SHISA9: variants seen among roughly 807,000 people sequenced by gnomAD.
SHISA9 encodes protein shisa-9.
SHISA9 carries 13 observed loss-of-function variants against 38.0 expected under a neutral mutation model. The observed-to-expected ratio is 0.34, with a 90% CI of 0.22 to 0.54. The LOEUF (loss-of-function observed/expected upper bound fraction) is 0.54, where lower values mean the gene tolerates loss of function less well. Ranked by LOEUF, SHISA9 falls within the 20% of genes least tolerant of loss-of-function variation. SHISA9 has a pLI of 0.91. For synonymous variants in SHISA9, 275 were observed against 242.0 expected (o/e 1.14, Z -1.27); for missense variants, 538 against 575.8 (o/e 0.93, Z 0.67).
chr16:12,912,814 C>A (rs2071203814), intron 1 of SHISA9, among the ~76,000 whole-genome samples: 2 of 152,322 alleles, frequency 1.3e-5, no homozygotes, highest in South Asian at 4.1e-4. Flanking sequence ...TGATGGACAC[C>A]TTGTCACGTG....
the SHISA9 span, among the ~76,000 whole-genome samples, chr16:13,397,394 G>C: frequency 1.3e-5 from 2 of 151,676 alleles, no homozygotes; most frequent in East Asian, 3.9e-4. Flanking sequence ...AGCCCAAGTG[G>C]GCATGTGTTA....
intron 2 of SHISA9, among the ~76,000 whole-genome samples, chr16:13,179,261 G>A (rs559437739): frequency 1.3e-5 from 2 of 152,282 alleles, no homozygotes; most frequent in African/African-American, 4.8e-5. Context: ...GCAGTGAGCT[G>A]AGATCACACC....
At chr16:13,459,124 G>C in the SHISA9 span, among the ~76,000 whole-genome samples, 1 of 152,090 alleles carries the variant, frequency 6.6e-6, no homozygotes, top group African/African-American at 2.4e-5. Context: ...AGAGTGCTGG[G>C]ATTACAGATG....
the SHISA9 span, among the ~76,000 whole-genome samples, chr16:13,532,581 G>GTGTT: frequency 6.6e-6 from 1 of 152,002 alleles, no homozygotes; most frequent in Non-Finnish European, 1.5e-5. Flanking sequence ...GTGTGTGTGT[G>GTGTT]TGTGAACGCT....
chr16:13,230,190 G>A (rs973394089), intron 4 of SHISA9, among the ~76,000 whole-genome samples: 2 of 152,192 alleles, frequency 1.3e-5, no homozygotes, highest in Non-Finnish European at 2.9e-5. Context: ...CCCCAGCAGG[G>A]CAGGAACCAT....
chr16:13,091,421 C>A (rs1427053660), intron 2 of SHISA9, among the ~76,000 whole-genome samples: 1 of 152,220 alleles, frequency 6.6e-6, no homozygotes, highest in Non-Finnish European at 1.5e-5. Flanking sequence ...TTCTCCCCAT[C>A]ACTTTCAGGT....
At chr16:13,198,590 G>A (rs919664425) in intron 2 of SHISA9, among the ~76,000 whole-genome samples, 1 of 150,818 alleles carries the variant, frequency 6.6e-6, no homozygotes, top group African/African-American at 2.4e-5. Flanking sequence ...ATTTTTTTTT[G>A]TTTCTCCTCC....
chr16:13,186,792 G>A (rs1359635212), intron 2 of SHISA9, among the ~76,000 whole-genome samples: 1 of 152,090 alleles, frequency 6.6e-6, no homozygotes, highest in Non-Finnish European at 1.5e-5. Flanking sequence ...CTACTCCAGG[G>A]ACCTCACAGA....
chr16:13,102,392 G>A lies in SHISA9; in HGVS notation c.692-101002G>A, dbSNP rs188478011. The stretch of plus-strand genomic sequence containing the variant: ...CTGAACTGTCCCATGGGTTCCAGAG[G>A]TTGACTTTCTTCTCTTCCAGGTCCT... On this transcript the variant is annotated intron_variant, in intron 2 of 4. Coordinates refer to ENST00000558583, the MANE Select transcript of SHISA9 (RefSeq NM_001145204.3). Among the ~76,000 whole-genome samples the A allele has an allele frequency of 4.6e-5, 7 of 152,304 alleles. No homozygotes were observed. The East Asian group carries it at 9.7e-4, about 21-fold the overall frequency.
At chr16:13,034,443 G>A (rs1037545365) in intron 2 of SHISA9, among the ~76,000 whole-genome samples, 1 of 152,148 alleles carries the variant, frequency 6.6e-6, no homozygotes, top group South Asian at 2.1e-4. Context: ...TGAGATCAGG[G>A]AGAATTGGAA....
intron 3 of SHISA9, among the ~76,000 whole-genome samples, chr16:13,206,731 G>T (rs574031648): frequency 7.2e-5 from 11 of 152,306 alleles, no homozygotes; most frequent in African/African-American, 2.2e-4. Flanking sequence ...CCTACGTACT[G>T]GTTACCCATG....
chr16:13,046,713 C>G (rs905483112), intron 2 of SHISA9, among the ~76,000 whole-genome samples: 1 of 152,158 alleles, frequency 6.6e-6, no homozygotes, highest in Non-Finnish European at 1.5e-5. Context: ...TCTGCTTTGA[C>G]TTCTCGCTTC....
chr16:13,028,424 G>A (rs1192058101), intron 2 of SHISA9, among the ~76,000 whole-genome samples: 2 of 152,104 alleles, frequency 1.3e-5, no homozygotes, highest in Non-Finnish European at 2.9e-5. Context: ...CATGGCTGGG[G>A]AGGCCTCACA....
At chr16:13,133,704 G>A (rs996881709) in intron 2 of SHISA9, among the ~76,000 whole-genome samples, 1 of 152,136 alleles carries the variant, frequency 6.6e-6, no homozygotes, top group Non-Finnish European at 1.5e-5. Flanking sequence ...CAGGCTATAG[G>A]CTTTGCTTTA....
At chr16:13,427,693 A>C in the SHISA9 span, among the ~76,000 whole-genome samples, 1 of 152,088 alleles carries the variant, frequency 6.6e-6, no homozygotes, top group Non-Finnish European at 1.5e-5. Context: ...ACTTGAGAGA[A>C]AGAGATGAGT....
the SHISA9 span, among the ~76,000 whole-genome samples, chr16:13,452,090 C>T: frequency 6.6e-6 from 1 of 152,176 alleles, no homozygotes; most frequent in African/African-American, 2.4e-5. Context: ...TGCTGCAGCT[C>T]GGTGACAGCC....
the SHISA9 span, among the ~76,000 whole-genome samples, chr16:13,504,198 G>A: frequency 6.6e-6 from 1 of 152,130 alleles, no homozygotes; most frequent in African/African-American, 2.4e-5. Context: ...ATGAGGAGTT[G>A]CATAATTCAC....
At chr16:13,557,910 A>G in the SHISA9 span, among the ~76,000 whole-genome samples, 1 of 152,024 alleles carries the variant, frequency 6.6e-6, no homozygotes, top group Non-Finnish European at 1.5e-5. Flanking sequence ...CAGGGTTTTC[A>G]TTTTTGCCCT....
intron 2 of SHISA9, among the ~76,000 whole-genome samples, chr16:13,013,325 AG>A (rs2072701741): frequency 6.6e-6 from 1 of 152,172 alleles, no homozygotes; most frequent in African/African-American, 2.4e-5. Flanking sequence ...GGACGCCTAT[AG>A]CCCTTTGTTT....
Sources: gnomAD v4.1 joint callset for allele counts (sites outside exome capture counted in the v4.1 genomes callset) on GRCh38, gnomAD v4.1.1 for gene constraint, MANE v1.5 for transcripts, NCBI Gene and HGNC (gene_info 2026-07-23, HGNC 2026-07-21) for gene names.